ATRX: variants seen among roughly 807,000 people sequenced by gnomAD.
ATRX encodes chromatin remodeler ATRX.
ATRX carries 12 observed loss-of-function variants against 172.6 expected under a neutral mutation model. That is an observed-to-expected ratio of 0.07 (90% CI 0.04 to 0.11). ATRX has a LOEUF of 0.11. Among genes scored for constraint, ATRX ranks in the 10% least tolerant of loss-of-function variants. The pLI, the probability that ATRX is intolerant of heterozygous loss-of-function variation, is 1.00. For missense variants in ATRX, 1,368 were observed against 1,767.4 expected, an observed-to-expected ratio of 0.77 and a Z score of 4.05; for synonymous variants, 674 against 594.7, an observed-to-expected ratio of 1.13 and a Z score of -1.94.
At chrX:77,512,404 AT>A (rs781963557) in intron 34 of ATRX, among the ~76,000 whole-genome samples, 1 of 112,638 alleles carries the variant, frequency 8.9e-6, no homozygotes, top group Non-Finnish European at 1.9e-5. Flanking sequence ...ACATGAAGGT[AT>A]AAAACTCACT....
At chrX:77,757,697 A>C (rs1416695915) in intron 1 of ATRX, among the ~76,000 whole-genome samples, 1 of 107,898 alleles carries the variant, frequency 9.3e-6, no homozygotes, top group Non-Finnish European at 1.9e-5. Context: ...TTGGAGACAA[A>C]GTCTCACTCT....
chrX:77,626,641 T>A (rs2067865034), intron 19 of ATRX, among the ~76,000 whole-genome samples: 1 of 111,460 alleles, frequency 9.0e-6, no homozygotes, highest in Non-Finnish European at 1.9e-5. Context: ...TTACCAAGCC[T>A]GAGGGTGGCT....
chrX:77,710,166 G>A lies in ATRX; in HGVS notation c.133+6965C>T, dbSNP rs782546015. ...ATACAAAAATTAGCCGGGTGTGGTG[G>A]CGCTTGCCTGTAATCCCAGCTACTC... On this transcript the variant is annotated intron_variant, in intron 2 of 34. Transcript: ENST00000373344. Among the ~76,000 whole-genome samples, 4 of 109,877 alleles carry A rather than the reference G, an allele frequency of 3.6e-5. No homozygotes were observed. In the South Asian group the frequency reaches 1.6e-3, roughly 44 times the overall value.
chrX:77,587,150 T>C (rs2066056455), intron 27 of ATRX, among the ~76,000 whole-genome samples: 1 of 111,546 alleles, frequency 9.0e-6, no homozygotes, highest in Non-Finnish European at 1.9e-5. Flanking sequence ...GCCAATATTA[T>C]ATATGCAAGA....
At chrX:77,580,644 T>C (rs782222961) in intron 27 of ATRX, among the ~76,000 whole-genome samples, 33 of 112,011 alleles carry the variant, frequency 2.9e-4, no homozygotes, top group African/African-American at 1.1e-3. Context: ...ACCAAACCTG[T>C]CCTACAAGAA....
At chrX:77,545,122 T>A (rs1602470245) in intron 30 of ATRX, among the ~76,000 whole-genome samples, 1 of 112,682 alleles carries the variant, frequency 8.9e-6, no homozygotes, top group African/African-American at 3.2e-5. Context: ...CTTAGCCATC[T>A]GTAGATTTGT....
At chrX:77,722,968 A>G (rs1250027091) in intron 1 of ATRX, among the ~76,000 whole-genome samples, 2 of 112,440 alleles carry the variant, frequency 1.8e-5, no homozygotes, top group Non-Finnish European at 3.7e-5. Flanking sequence ...GACTGGATAA[A>G]GAAAATGTGG....
At chrX:77,593,957 T>G in intron 25 of ATRX, 108 bp from the exon 26 acceptor site, 1 of 727,163 alleles carries the variant, frequency 1.4e-6, no homozygotes, top group Non-Finnish European at 2.1e-6. Context: ...AAGAAACTGA[T>G]GGGGACTTGG....
rs1557060327 is a variant in ATRX, at chrX:77,558,745, T to G, written c.6428A>C (p.Tyr2143Ser). ...IIFDASWNPS[Y>S]DIQSIFRVYR... Reference sequence around the variant, plus strand: ...AACTCTGAATATACTCTGGATGTCATAAGATGGATTCCAAGAAGCGTCGAA... The same window carrying G: ...AACTCTGAATATACTCTGGATGTCAGAAGATGGATTCCAAGAAGCGTCGAA... The change falls in exon 29 of 35, where the codon TAT (tyrosine) becomes TCT (serine). Residue 2143 changes from tyrosine (Y) to serine (S), a missense_variant. Tyr to Ser is a moderately radical substitution (Grantham distance 144). Coordinates refer to ENST00000373344, the MANE Select transcript of ATRX (RefSeq NM_000489.6). 8.3e-7 allele frequency: 1 copy of G among 1,203,784 alleles called. No homozygotes were observed. The highest frequency in any genetic ancestry group is 2.2e-5 in the Admixed American group (1 of 45,984).
chrX:77,597,497 A>G (rs1447657957), intron 25 of ATRX, among the ~76,000 whole-genome samples: 1 of 111,525 alleles, frequency 9.0e-6, no homozygotes, highest in Non-Finnish European at 1.9e-5. Flanking sequence ...AAAAAAAACT[A>G]TCAACAGAGT....
At position 77,713,188 on chromosome X, in the gene ATRX, T is replaced by C. The variant is rs781804408; in HGVS notation, c.133+3943A>G. Among the ~76,000 whole-genome samples, 9 of 111,386 alleles carry C rather than the reference T, an allele frequency of 8.1e-5. No individual in the cohort carries two copies. The South Asian group carries it at 3.4e-3, about 42-fold the overall frequency. ...ATAAAAATAAATAAATTGGGGATAA[T>C]AGGAACCAGGTTTCTTTCTGTTGGA... is the stretch of plus-strand genomic sequence containing the variant. On this transcript the variant is annotated intron_variant, in intron 2 of 34. Coordinates refer to ENST00000373344, the MANE Select transcript of ATRX (RefSeq NM_000489.6).
At chrX:77,577,239 G>C (rs2148031762) in intron 27 of ATRX, among the ~76,000 whole-genome samples, 1 of 111,362 alleles carries the variant, frequency 9.0e-6, no homozygotes, top group Admixed American at 9.5e-5. Flanking sequence ...CTAACCAACA[G>C]TACACAAGAG....
At chrX:77,569,914 T>C (rs1322610705) in intron 28 of ATRX, among the ~76,000 whole-genome samples, 2 of 111,988 alleles carry the variant, frequency 1.8e-5, no homozygotes, top group African/African-American at 6.5e-5. Context: ...CTTTTGTAGG[T>C]CTAGACAAGA....
chrX:77,597,335 C>T (rs782661690), intron 25 of ATRX, among the ~76,000 whole-genome samples: 1 of 109,918 alleles, frequency 9.1e-6, no homozygotes, highest in African/African-American at 3.3e-5. Flanking sequence ...AAAGAAATCA[C>T]CGAGTCAGAA....
At chrX:77,672,689 GA>G (rs782399582) in intron 10 of ATRX, among the ~76,000 whole-genome samples, 7 of 107,283 alleles carry the variant, frequency 6.5e-5, no homozygotes, top group East Asian at 2.9e-4. Flanking sequence ...TCGCTTCTAT[GA>G]AAAAAAAAGC....
At chrX:77,622,675 G>A (rs782066949) in intron 19 of ATRX, among the ~76,000 whole-genome samples, 20 of 111,635 alleles carry the variant, frequency 1.8e-4, no homozygotes, top group African/African-American at 6.2e-4. Context: ...CTTCACAGGT[G>A]GGGGATGAAC....
chrX:77,682,162 T>C lies in ATRX; in HGVS notation c.3094A>G (p.Ile1032Val). 1.7e-6 allele frequency: 2 copies of C among 1,211,522 alleles called. No individual in the cohort carries two copies. The highest frequency in any genetic ancestry group is 3.5e-5 in the African/African-American group (2 of 57,880). Residue 1032 changes from isoleucine (I) to valine (V), a missense_variant, in exon 9 of 35, where the codon ATA (isoleucine) becomes GTA (valine). By Grantham distance (29) the Ile-to-Val change is conservative. Around this residue, in one of 17 missense-constraint regions of ATRX, gnomAD observed 843 missense variants for 643.1 expected, o/e 1.31. Transcript: ENST00000373344. ...GTTGTTCCATTCTTAATTTGTTTTA[T>C]GCCCTTAGGAAAATGACAAATTTCT... is the stretch of plus-strand genomic sequence containing the variant. ...REEICHFPKG[I>V]KQIKNGTTDG...
At chrX:77,618,496 T>C (rs1365702110) in intron 21 of ATRX, among the ~76,000 whole-genome samples, 5 of 111,937 alleles carry the variant, frequency 4.5e-5, no homozygotes, top group Admixed American at 9.5e-5. Context: ...AACTTCATCA[T>C]AGTAGCTATG....
At chrX:77,539,819 C>T (rs1424357605) in intron 30 of ATRX, among the ~76,000 whole-genome samples, 1 of 111,888 alleles carries the variant, frequency 8.9e-6, no homozygotes, top group Admixed American at 9.5e-5. Flanking sequence ...GAAGGAAGCA[C>T]TAAACATGGA....
Sources: gnomAD v4.1 joint callset for allele counts (sites outside exome capture counted in the v4.1 genomes callset) on GRCh38, gnomAD v4.1.1 for gene constraint, gnomAD v4.1.1 regional missense constraint, MANE v1.5 for transcripts, NCBI Gene and HGNC (gene_info 2026-07-23, HGNC 2026-07-21) for gene names.